The following PIK3C2G variants were observed in gnomAD, a reference collection of about 807,000 sequenced individuals.
PIK3C2G encodes the protein phosphatidylinositol 3-kinase C2 domain-containing subunit gamma.
In PIK3C2G, 168 loss-of-function variants were observed where a neutral mutation model predicts 181.1. The observed-to-expected ratio is 0.93, with a 90% CI of 0.82 to 1.05. PIK3C2G has a LOEUF of 1.05. Ranked by LOEUF, PIK3C2G falls within the 50% of genes least tolerant of loss-of-function variation. PIK3C2G has a pLI of 0.00. For synonymous variants in PIK3C2G, 573 were observed against 592.2 expected, an observed-to-expected ratio of 0.97 and a Z score of 0.47; for missense variants, 1,869 against 1,732.8, an observed-to-expected ratio of 1.08 and a Z score of -1.40.
intron 16 of PIK3C2G, among the ~76,000 whole-genome samples, chr12:18,413,376 T>C (rs930544907): frequency 6.6e-6 from 1 of 152,152 alleles, no homozygotes; most frequent in African/African-American, 2.4e-5. Flanking sequence ...TAGAGAATAA[T>C]GAACTACCTT....
intron 18 of PIK3C2G, among the ~76,000 whole-genome samples, chr12:18,471,235 G>A (rs183732505): frequency 2.0e-5 from 3 of 152,230 alleles, no homozygotes; most frequent in Non-Finnish European, 4.4e-5. Context: ...CCTCAGACAA[G>A]ACAATTACTG....
intron 9 of PIK3C2G, among the ~76,000 whole-genome samples, chr12:18,342,373 C>G (rs1299395610): frequency 2.0e-5 from 3 of 152,010 alleles, no homozygotes; most frequent in African/African-American, 7.2e-5. Flanking sequence ...TGTTCTCTCT[C>G]TAAAGGAATA....
upstream of PIK3C2G, among the ~76,000 whole-genome samples, chr12:18,246,561 C>A (rs1279271042): frequency 2.0e-5 from 3 of 152,020 alleles, no homozygotes; most frequent in Non-Finnish European, 4.4e-5. Flanking sequence ...TGGCTCCAAG[C>A]AAGTTCCATT....
intron 20 of PIK3C2G, chr12:18,493,077 A>C (rs967318158): frequency 1.3e-5 from 2 of 152,314 alleles, no homozygotes; most frequent in African/African-American, 4.8e-5. Context: ...TTGAACAAAG[A>C]AGTGAGAAAC....
intron 16 of PIK3C2G, among the ~76,000 whole-genome samples, chr12:18,406,370 A>G (rs533629777): frequency 2.5e-4 from 38 of 152,246 alleles, no homozygotes; most frequent in African/African-American, 9.1e-4. Context: ...TGACATACTA[A>G]TTTTAATTCA....
intron 11 of PIK3C2G, among the ~76,000 whole-genome samples, chr12:18,348,895 G>C (rs1215695003): frequency 6.6e-6 from 1 of 152,158 alleles, no homozygotes; most frequent in Non-Finnish European, 1.5e-5. Context: ...TGTTGACTGA[G>C]ACCACAGTCA....
chr12:18,313,367 G>T (rs1591920380), intron 5 of PIK3C2G, among the ~76,000 whole-genome samples: 2 of 152,114 alleles, frequency 1.3e-5, no homozygotes, highest in East Asian at 3.9e-4. Context: ...TATTCTGCTT[G>T]CTAACCCTTT....
chr12:18,525,510 G>T (rs929971119), intron 24 of PIK3C2G, among the ~76,000 whole-genome samples: 1 of 152,118 alleles, frequency 6.6e-6, no homozygotes, highest in Non-Finnish European at 1.5e-5. Context: ...GGTTTAGATT[G>T]GGAGGTATTT....
rs759676717 is a variant in PIK3C2G, at chr12:18,282,123, A to G, written c.42A>G (p.Ser14=). 5 of 1,606,842 alleles carry G rather than the reference A, an allele frequency of 3.1e-6. No individual in the cohort carries two copies. The South Asian group carries it at 5.5e-5, about 18-fold the overall frequency. ...SWQTDPNPNE[S]HEKQYEHQEF... is the part of the protein sequence containing the mutation. ...AAACGGATCCAAATCCTAATGAATC[A>G]CACGAAAAGCAGTATGAACACCAAG... Residue 14 remains serine (S), a synonymous_variant, in exon 2 of 33, where the codon TCA becomes TCG. Coordinates refer to ENST00000538779, the MANE Select transcript of PIK3C2G (RefSeq NM_001288772.2).
chr12:18,533,401 GT>G (rs1176884751), intron 24 of PIK3C2G, among the ~76,000 whole-genome samples: 1 of 151,898 alleles, frequency 6.6e-6, no homozygotes, highest in African/African-American at 2.4e-5. Context: ...TCTAATTATC[GT>G]GAAATCCTAT....
chr12:18,384,174 C>A (rs1466412311), intron 14 of PIK3C2G, among the ~76,000 whole-genome samples: 2 of 151,472 alleles, frequency 1.3e-5, no homozygotes, highest in African/African-American at 4.9e-5. Flanking sequence ...ATCATAGGGC[C>A]AAAAACTAAG....
At chr12:18,544,733 A>T (rs1208033214) in intron 25 of PIK3C2G, among the ~76,000 whole-genome samples, 1 of 151,900 alleles carries the variant, frequency 6.6e-6, no homozygotes, top group Non-Finnish European at 1.5e-5. Flanking sequence ...TTAAGATGCT[A>T]ATAGATCATC....
intron 31 of PIK3C2G, among the ~76,000 whole-genome samples, chr12:18,621,666 A>G (rs554360416): frequency 6.6e-6 from 1 of 151,852 alleles, no homozygotes; most frequent in South Asian, 2.1e-4. Flanking sequence ...AGCTATTCTG[A>G]TCTCCTTTTT....
At chr12:18,341,608 A>C (rs534594437) in intron 9 of PIK3C2G, among the ~76,000 whole-genome samples, 33 of 152,130 alleles carry the variant, frequency 2.2e-4, no homozygotes, top group Non-Finnish European at 4.0e-4. Flanking sequence ...CATCAGTTGC[A>C]TTTATACTTT....
At chr12:18,460,533 C>T (rs912717263) in intron 18 of PIK3C2G, among the ~76,000 whole-genome samples, 1 of 151,318 alleles carries the variant, frequency 6.6e-6, no homozygotes, top group Non-Finnish European at 1.5e-5. Flanking sequence ...GAGATGGCGC[C>T]ACTGCACTCC....
the PIK3C2G span, among the ~76,000 whole-genome samples, chr12:18,703,115 A>T: frequency 6.6e-6 from 1 of 152,216 alleles, no homozygotes; most frequent in African/African-American, 2.4e-5. Flanking sequence ...GCTGAAAATT[A>T]TAAGTTCCAG....
At chr12:18,602,954 A>T (rs771068228) in intron 30 of PIK3C2G, among the ~76,000 whole-genome samples, 28 of 152,192 alleles carry the variant, frequency 1.8e-4, no homozygotes, top group Non-Finnish European at 3.2e-4. Flanking sequence ...GTAATATGAA[A>T]AAACAAGGCT....
the PIK3C2G span, chr12:18,712,784 A>C: frequency 1.9e-6 from 3 of 1,582,642 alleles, no homozygotes; most frequent in Non-Finnish European, 2.6e-6. Flanking sequence ...TTTTGAAGCA[A>C]GTAAATTAGA....
intron 29 of PIK3C2G, among the ~76,000 whole-genome samples, chr12:18,574,659 CAT>C (rs1946138348): frequency 6.6e-6 from 1 of 152,134 alleles, no homozygotes. Flanking sequence ...ACTTAAGAGA[CAT>C]ATATATAATA....
Sources: allele counts gnomAD v4.1 joint callset (sites outside exome capture counted in the v4.1 genomes callset), GRCh38; gene constraint gnomAD v4.1.1; transcripts MANE v1.5; gene names NCBI Gene and HGNC (gene_info 2026-07-23, HGNC 2026-07-21).